The following BTK variants were observed in gnomAD, a reference collection of about 807,000 sequenced individuals.
BTK encodes the protein tyrosine-protein kinase BTK.
Under a neutral mutation model 57.4 loss-of-function variants are expected in BTK, and 5 were observed. The observed-to-expected ratio is 0.09, with a 90% confidence interval of 0.05 to 0.18. BTK has a LOEUF of 0.18. Among genes scored for constraint, BTK ranks in the 10% least tolerant of loss-of-function variants. BTK has a pLI of 1.00. For synonymous variants in BTK, 154 were observed against 174.3 expected (o/e 0.88, Z 0.92); for missense variants, 194 against 501.2 (o/e 0.39, Z 5.85).
intron 18 of BTK, among the ~76,000 whole-genome samples, chrX:101,351,990 TGTCTCTACTAAAAATACAAAAAATTAGCC>T (rs1926302147): frequency 9.1e-6 from 1 of 109,309 alleles, no homozygotes; most frequent in Non-Finnish European, 1.9e-5. Flanking sequence ...GGTGAAACCC[TGTCTCTACTAAAAATACAAAAAATTAGCC>T]GGGCGTGGTG....
chrX:101,374,094 T>A (rs1308643400), intron 3 of BTK, among the ~76,000 whole-genome samples: 2 of 111,417 alleles, frequency 1.8e-5, no homozygotes, highest in Non-Finnish European at 3.8e-5. Flanking sequence ...TGATATATAT[T>A]TTTTAAAAGT....
rs782585150 is a variant in BTK, at chrX:101,362,604, G to T, written c.477C>A (p.Ala159=). The T allele has an allele frequency of 6.6e-6, 8 of 1,211,734 alleles. No homozygotes were observed. In the Admixed American group the frequency reaches 1.7e-4, roughly 26 times the overall value. ...DGQYLCCSQT[A]KNAMGCQILE... ...AAATTTGGCAGCCCATAGCATTTTT[G>T]GCTGTCTGAGAGCAGCAGAGATACT... is the stretch of plus-strand genomic sequence containing the variant. The change falls in exon 6 of 19, where the codon GCC becomes GCA. Residue 159 remains alanine (A), a synonymous_variant. Transcript: ENST00000308731.
At chrX:101,373,641 G>A (rs1927112923) in intron 3 of BTK, among the ~76,000 whole-genome samples, 1 of 112,177 alleles carries the variant, frequency 8.9e-6, no homozygotes, top group African/African-American at 3.2e-5. Context: ...GTTGATAGTT[G>A]TTTTAACTGG....
chrX:101,349,524 C>G lies in BTK; in HGVS notation c.*361G>C, dbSNP rs1926198118. ...TCTTTATGACACCATTTCATTCTTGCCAAATTCGGTCCACCCCCACACACA... is the reference window on the plus strand; with the variant it reads ...TCTTTATGACACCATTTCATTCTTGGCAAATTCGGTCCACCCCCACACACA... On this transcript the variant is annotated 3_prime_UTR_variant, in exon 19 of 19. Transcript: ENST00000308731. 2 of 202,155 alleles carry G rather than the reference C, an allele frequency of 9.9e-6. No homozygotes were observed. The highest frequency in any genetic ancestry group is 5.8e-5 in the African/African-American group (2 of 34,408). The allele number at this position is 202,155 out of a possible 1,213,427, so 16.7% of individuals were successfully genotyped here. A position where few individuals can be genotyped will look rare whatever the true frequency, so the allele number is the denominator to read the frequency against.
At chrX:101,368,753 A>G (rs1603015704) in intron 5 of BTK, among the ~76,000 whole-genome samples, 1 of 112,427 alleles carries the variant, frequency 8.9e-6, no homozygotes, top group South Asian at 3.7e-4. Context: ...TCTGGCACAT[A>G]GCAATAATTG....
In BTK at chrX:101,360,690, C is replaced by A; in HGVS notation, c.654G>T (p.Lys218Asn). ...GCATGTAATCATAAAGGGCCACAACCTTTTTCAGCTCACTTGTGGAGACTG... is the reference window on the plus strand; with the variant it reads ...GCATGTAATCATAAAGGGCCACAACATTTTTCAGCTCACTTGTGGAGACTG... The part of the protein sequence containing the change: ...AAPVSTSELK[K>N]VVALYDYMPM... The change falls in exon 8 of 19, where the codon AAG becomes AAT. Residue 218 changes from lysine (K) to asparagine (N), a missense_variant. Physicochemically the swap from Lys to Asn is moderately conservative, Grantham distance 94. Around this residue, in one of 3 missense-constraint regions of BTK, gnomAD observed 115 missense variants for 258.3 expected, o/e 0.45. Coordinates refer to ENST00000308731, the MANE Select transcript of BTK (RefSeq NM_000061.3). 4 of 1,211,553 alleles carry A rather than the reference C, an allele frequency of 3.3e-6. No homozygotes were observed. Among genetic ancestry groups the A allele is most frequent in the Non-Finnish European group, 4.5e-6 (4 of 895,437 alleles).
chrX:101,375,069 A>G, intron 2 of BTK, 75 bp downstream of exon 2: 4 of 1,175,790 alleles, frequency 3.4e-6, no homozygotes, highest in South Asian at 1.8e-5. Flanking sequence ...ACGAAAATTT[A>G]CCTCTTCCCC....
intron 12 of BTK, 98 bp from the exon 13 acceptor site, chrX:101,357,681 T>C (rs782581025): frequency 2.4e-5 from 17 of 706,354 alleles, no homozygotes; most frequent in Non-Finnish European, 3.7e-5. Context: ...TGTGTATCTT[T>C]CTAGTACATT....
chrX:101,368,257 T>G (rs2147441892), intron 5 of BTK, among the ~76,000 whole-genome samples: 1 of 112,937 alleles, frequency 8.9e-6, no homozygotes, highest in South Asian at 3.6e-4. Flanking sequence ...TTGCTCATTT[T>G]GTAGCCCCAG....
intron 8 of BTK, 139 bp downstream of exon 8, chrX:101,360,429 T>C (rs1926623987): frequency 1.5e-6 from 1 of 689,141 alleles, no homozygotes; most frequent in Non-Finnish European, 2.2e-6. Flanking sequence ...GGGAAGTACT[T>C]GGAGGGAGAG....
In BTK at chrX:101,349,799, G is replaced by A. The variant is rs1926213568; in HGVS notation, c.*86C>T. ...TTGAGTGGGAGCACAAAGGCTCCAGGGCTCCTAAGCTTGGGATTTCCTCTG... is the reference window on the plus strand; with the variant it reads ...TTGAGTGGGAGCACAAAGGCTCCAGAGCTCCTAAGCTTGGGATTTCCTCTG... On this transcript the variant is annotated 3_prime_UTR_variant, in exon 19 of 19. Coordinates refer to ENST00000308731, the MANE Select transcript of BTK (RefSeq NM_000061.3). 4.7e-6 allele frequency: 4 copies of A among 854,911 alleles called. No individual in the cohort carries two copies. Among genetic ancestry groups the A allele is most frequent in the Non-Finnish European group, 7.0e-6 (4 of 574,770 alleles). The allele number at this position is 854,911 out of a possible 1,213,427, so 70.5% of individuals were successfully genotyped here.
At position 101,349,705 on chromosome X, in the gene BTK, T is replaced by C. The variant is rs1248632561; in HGVS notation, c.*180A>G. On this transcript the variant is annotated 3_prime_UTR_variant, in exon 19 of 19. Coordinates refer to ENST00000308731, the MANE Select transcript of BTK (RefSeq NM_000061.3). ...GGCACAATAATTTCTTGGCCTTTGC[T>C]CAGAAGCCACTATCCCAGGGAATCA... The C allele has an allele frequency of 6.5e-6, 3 of 463,528 alleles. No individual in the cohort carries two copies. The highest frequency in any genetic ancestry group is 1.1e-5 in the Non-Finnish European group (3 of 261,593). The allele number at this position is 463,528 out of a possible 1,213,427, so 38.2% of individuals were successfully genotyped here.
chrX:101,380,755 G>A (rs1387233569), intron 1 of BTK, among the ~76,000 whole-genome samples: 1 of 110,538 alleles, frequency 9.0e-6, no homozygotes. Context: ...ACTCAGGCCT[G>A]TAATCCCAGC....
intron 3 of BTK, among the ~76,000 whole-genome samples, chrX:101,373,371 C>A (rs1199227169): frequency 9.0e-6 from 1 of 111,703 alleles, no homozygotes; most frequent in African/African-American, 3.3e-5. Context: ...TGTAGACAAA[C>A]CGAATGTGTA....
chrX:101,362,486 TG>T, intron 6 of BTK, 74 bp downstream of exon 6: 1 of 1,194,102 alleles, frequency 8.4e-7, no homozygotes, highest in South Asian at 1.8e-5. Flanking sequence ...GCTATGACCC[TG>T]GGCTTGACAG....
rs1347146842 is a variant in BTK at position 101,357,077 on chromosome X, A to G, written c.1178-122T>C. ...TAAAAGGGAAATTTTTAGAAGTACT[A>G]ATCTGTCTTTGCTTAAGTCAATCTC... On this transcript the variant is annotated intron_variant, in intron 13 of 18. Coordinates refer to ENST00000308731, the MANE Select transcript of BTK (RefSeq NM_000061.3). 4 of 758,458 alleles carry G rather than the reference A, an allele frequency of 5.3e-6. No homozygotes were observed. In the Admixed American group the frequency reaches 9.4e-5, roughly 18 times the overall value. 62.5% of individuals were successfully genotyped at this position (758,458 alleles called of 1,213,427 possible).
chrX:101,372,736 C>G (rs1345099693), intron 3 of BTK, among the ~76,000 whole-genome samples: 1 of 108,167 alleles, frequency 9.2e-6, no homozygotes, highest in Non-Finnish European at 1.9e-5. Context: ...TGAGCCACCA[C>G]GCCCCACCTG....
chrX:101,360,941 C>A (rs1926649458), intron 7 of BTK, among the ~76,000 whole-genome samples, 186 bp from the exon 8 acceptor site: 1 of 111,537 alleles, frequency 9.0e-6, no homozygotes, highest in Admixed American at 9.6e-5. Flanking sequence ...ATATAAAGAC[C>A]ATGTATGGAA....
intron 8 of BTK, 85 bp downstream of exon 8, chrX:101,360,483 C>T: frequency 2.0e-6 from 2 of 1,003,608 alleles, no homozygotes; most frequent in Non-Finnish European, 2.8e-6. Flanking sequence ...GATGAGGATG[C>T]TGATCACGGG....
Sources: allele counts gnomAD v4.1 joint callset (sites outside exome capture counted in the v4.1 genomes callset), GRCh38; gene constraint gnomAD v4.1.1; regional missense constraint gnomAD v4.1.1; transcripts MANE v1.5; gene names NCBI Gene and HGNC (gene_info 2026-07-23, HGNC 2026-07-21).